The following SIPA1L2 variants were observed in gnomAD, a reference collection of about 807,000 sequenced individuals.
SIPA1L2 encodes signal induced proliferation associated 1 like 2.
In SIPA1L2, 56 loss-of-function variants were observed where a neutral mutation model predicts 163.9. The ratio of observed to expected loss-of-function variants is 0.34; its 90% confidence interval spans 0.28 to 0.43. The LOEUF is 0.43. Ranked by LOEUF, SIPA1L2 falls within the 20% of genes least tolerant of loss-of-function variation. The pLI is 1.00. For missense variants in SIPA1L2, 1,974 were observed against 2,193.5 expected, an observed-to-expected ratio of 0.90 and a Z score of 2.00; for synonymous variants, 877 against 865.7, an observed-to-expected ratio of 1.01 and a Z score of -0.23.
chr1:232,402,256 G>A, intron 22 of SIPA1L2, 136 bp downstream of exon 22: 1 of 633,792 alleles, frequency 1.6e-6, no homozygotes, highest in Non-Finnish European at 2.6e-6. Context: ...GACCTCAGGA[G>A]CATCTGTTGG....
chr1:232,474,165 C>T (rs940150151), intron 7 of SIPA1L2, among the ~76,000 whole-genome samples: 1 of 152,176 alleles, frequency 6.6e-6, no homozygotes, highest in Non-Finnish European at 1.5e-5. Context: ...GTAGGAATGA[C>T]ATCTTCTGGG....
chr1:232,462,122 A>G, intron 9 of SIPA1L2: 1 of 1,100,740 alleles, frequency 9.1e-7, no homozygotes, highest in Non-Finnish European at 1.4e-6. Context: ...AGGAACATGA[A>G]AGAAGAATGG....
chr1:232,580,730 A>C (rs1007209056), intron 1 of SIPA1L2, among the ~76,000 whole-genome samples: 1 of 152,148 alleles, frequency 6.6e-6, no homozygotes, highest in Non-Finnish European at 1.5e-5. Flanking sequence ...ATGAGGACAA[A>C]GGAGGGCCTT....
chr1:232,494,945 A>C (rs942757102), intron 3 of SIPA1L2, among the ~76,000 whole-genome samples: 1 of 152,224 alleles, frequency 6.6e-6, no homozygotes, highest in Non-Finnish European at 1.5e-5. Flanking sequence ...GGCTACAAAG[A>C]AACATAATAC....
intron 5 of SIPA1L2, among the ~76,000 whole-genome samples, chr1:232,487,952 A>ACG (rs1553298443): frequency 6.6e-6 from 1 of 150,864 alleles, no homozygotes; most frequent in Non-Finnish European, 1.5e-5. Context: ...ACACACACAC[A>ACG]CACGCACACA....
Position 232,455,069 on chromosome 1 carries a change from T to C in SIPA1L2, c.3095+5818A>G, listed in dbSNP as rs78901412. Among the ~76,000 whole-genome samples the C allele has an allele frequency of 9.2e-3, 1,397 of 152,332 alleles. 24 individuals are homozygous for C. The highest frequency in any genetic ancestry group is 0.032 in the African/African-American group (1,350 of 41,556). ...ATGCAAGGCAATCTACCTTAAATTC[T>C]ATAATCCTATGTTCTTACTTTAGGG... On this transcript the variant is annotated intron_variant, in intron 10 of 22. Coordinates refer to ENST00000674635, the MANE Select transcript of SIPA1L2 (RefSeq NM_020808.5).
intron 10 of SIPA1L2, among the ~76,000 whole-genome samples, chr1:232,451,138 G>A (rs1663550233): frequency 1.3e-5 from 2 of 152,148 alleles, no homozygotes; most frequent in Admixed American, 6.5e-5. Context: ...TGCCAAATTA[G>A]TACTACTGAT....
chr1:232,618,177 A>G (rs1662604169), intron 1 of SIPA1L2, among the ~76,000 whole-genome samples: 1 of 152,210 alleles, frequency 6.6e-6, no homozygotes, highest in South Asian at 2.1e-4. Context: ...CAGAAGTTTA[A>G]AGCAGAACGC....
In SIPA1L2 at chr1:232,428,530, T is replaced by C. The variant is rs1416875802; in HGVS notation, c.4291A>G (p.Thr1431Ala). The C allele has an allele frequency of 1.9e-6, 3 of 1,590,064 alleles. No homozygotes were observed. Among genetic ancestry groups the C allele is most frequent in the Non-Finnish European group, 2.6e-6 (3 of 1,170,488 alleles). ...YSEMDVMSTA[T>A]QHQTVVGDAV... Reference sequence around the variant, plus strand: ...TCTCCCACCACTGTCTGATGCTGAGTTGCTGTGGACATGACATCCATCTCA... The same window carrying C: ...TCTCCCACCACTGTCTGATGCTGAGCTGCTGTGGACATGACATCCATCTCA... The change falls in exon 17 of 23, where the codon ACT (threonine) becomes GCT (alanine). Residue 1431 changes from threonine (T) to alanine (A), a missense_variant. Around this residue, in one of 3 missense-constraint regions of SIPA1L2, gnomAD observed 1,079 missense variants for 1,150.7 expected, o/e 0.94. Transcript: ENST00000674635.
chr1:232,419,129 G>T (rs558871667), intron 18 of SIPA1L2, among the ~76,000 whole-genome samples: 1 of 152,306 alleles, frequency 6.6e-6, no homozygotes, highest in South Asian at 2.1e-4. Context: ...GGGGACACTT[G>T]GCTGAGACAC....
intron 19 of SIPA1L2, among the ~76,000 whole-genome samples, chr1:232,411,852 A>G (rs1438209115): frequency 6.6e-6 from 1 of 152,156 alleles, no homozygotes; most frequent in Non-Finnish European, 1.5e-5. Context: ...TATTACAGTA[A>G]CATTTACAAC....
intron 22 of SIPA1L2, among the ~76,000 whole-genome samples, chr1:232,401,307 T>C (rs1034069823): frequency 6.6e-6 from 1 of 152,132 alleles, no homozygotes; most frequent in Admixed American, 6.6e-5. Flanking sequence ...GGACAGCTGG[T>C]CACCCAAGCT....
At chr1:232,597,362 G>A (rs1661312793) in intron 1 of SIPA1L2, among the ~76,000 whole-genome samples, 1 of 151,968 alleles carries the variant, frequency 6.6e-6, no homozygotes, top group African/African-American at 2.4e-5. Context: ...GGACTCAGGG[G>A]CCTGAACATC....
At chr1:232,415,824 C>T (rs1203740038) in intron 18 of SIPA1L2, 199 bp from the exon 19 acceptor site, 1 of 518,316 alleles carries the variant, frequency 1.9e-6, no homozygotes, top group Non-Finnish European at 3.3e-6. Flanking sequence ...ACGGGCACCA[C>T]TGTCCCTCCC....
intron 10 of SIPA1L2, among the ~76,000 whole-genome samples, chr1:232,460,165 C>CT (rs1191809960): frequency 1.3e-5 from 2 of 152,328 alleles, no homozygotes; most frequent in East Asian, 3.9e-4. Flanking sequence ...ACGGCTCCTT[C>CT]TTAATTAGCA....
At chr1:232,608,535 G>A (rs763724955) in intron 1 of SIPA1L2, among the ~76,000 whole-genome samples, 6 of 152,208 alleles carry the variant, frequency 3.9e-5, no homozygotes, top group Non-Finnish European at 7.3e-5. Context: ...TTTCAATGCT[G>A]TCTCTTCCTC....
rs1458200944 is a variant in SIPA1L2 at position 232,398,042 on chromosome 1, G to C, written c.*1085C>G. On this transcript the variant is annotated 3_prime_UTR_variant, in exon 23 of 23. Coordinates refer to ENST00000674635, the MANE Select transcript of SIPA1L2 (RefSeq NM_020808.5). ...CATCTCAAATCTAACAGTTAAAAATGGTAAAGCAATACAAACAATGTGTTA... is the reference window on the plus strand; with the variant it reads ...CATCTCAAATCTAACAGTTAAAAATCGTAAAGCAATACAAACAATGTGTTA... 6.6e-6 allele frequency: 1 copy of C among 152,506 alleles called. No homozygotes were observed. The highest frequency in any genetic ancestry group is 2.4e-5 in the African/African-American group (1 of 41,404). The allele number at this position is 152,506 out of a possible 1,614,324, so 9.4% of individuals were successfully genotyped here.
chr1:232,472,487 C>T (rs1572950221), intron 7 of SIPA1L2, among the ~76,000 whole-genome samples: 2 of 152,302 alleles, frequency 1.3e-5, no homozygotes, highest in African/African-American at 4.8e-5. Flanking sequence ...TATACACTTA[C>T]TGACACATCA....
chr1:232,526,401 T>C (rs889696046), intron 2 of SIPA1L2, among the ~76,000 whole-genome samples: 16 of 74,398 alleles, frequency 2.2e-4, no homozygotes, highest in African/African-American at 8.2e-4. Context: ...CACACTGGAG[T>C]GGGGTGGGTA....
Sources: gnomAD v4.1 joint callset for allele counts (sites outside exome capture counted in the v4.1 genomes callset) on GRCh38, gnomAD v4.1.1 for gene constraint, gnomAD v4.1.1 regional missense constraint, MANE v1.5 for transcripts, NCBI Gene and HGNC (gene_info 2026-07-23, HGNC 2026-07-21) for gene names.